The following ALKAL1 variants were observed in gnomAD, a reference collection of about 807,000 sequenced individuals.
ALKAL1 encodes the protein ALK and LTK ligand 1, also known as AUG-beta.
Under a neutral mutation model 13.5 loss-of-function variants are expected in ALKAL1, and 23 were observed. The observed-to-expected ratio is 1.70, with a 90% CI of 1.23 to 2.41. The LOEUF (loss-of-function observed/expected upper bound fraction) is 2.41. Ranked by LOEUF, ALKAL1 falls within the 30% of genes most tolerant of loss-of-function variation. The probability of loss-of-function intolerance (pLI) is 0.00; values close to 1 mark genes in which losing one functional copy is unlikely to be tolerated. For missense variants in ALKAL1, 181 were observed against 178.4 expected, an observed-to-expected ratio of 1.01 and a Z score of -0.08; for synonymous variants, 85 against 77.7, an observed-to-expected ratio of 1.09 and a Z score of -0.49.
chr8:52,545,278 G>A (rs1213734997), intron 1 of ALKAL1, among the ~76,000 whole-genome samples: 1 of 152,072 alleles, frequency 6.6e-6, no homozygotes, highest in Admixed American at 6.5e-5. Flanking sequence ...TTGCCCACAA[G>A]AAAATTCTTT....
intron 1 of ALKAL1, among the ~76,000 whole-genome samples, chr8:52,548,775 T>C (rs1055677298): frequency 2.0e-5 from 3 of 152,162 alleles, no homozygotes; most frequent in African/African-American, 7.2e-5. Context: ...ATCTCATTCA[T>C]CCAATTTGTA....
intron 4 of ALKAL1, among the ~76,000 whole-genome samples, chr8:52,537,466 C>T (rs959395759): frequency 6.6e-6 from 1 of 152,116 alleles, no homozygotes; most frequent in Admixed American, 6.5e-5. Flanking sequence ...CAAAATCCCA[C>T]TACTGGGTAT....
intron 1 of ALKAL1, among the ~76,000 whole-genome samples, chr8:52,551,356 A>G (rs1031069814): frequency 2.6e-5 from 4 of 152,176 alleles, no homozygotes; most frequent in African/African-American, 9.7e-5. Context: ...GTGCAGTGGT[A>G]CAATCATAGC....
intron 1 of ALKAL1, 101 bp from the exon 2 acceptor site, chr8:52,542,546 G>T (rs1441964953): frequency 6.9e-6 from 5 of 723,614 alleles, no homozygotes; most frequent in Non-Finnish European, 1.1e-5. Context: ...TAAACACATG[G>T]ATTTGTGACA....
rs541601110 is a variant in ALKAL1, at chr8:52,559,727, T to G, written c.190+5340A>C. 2.0e-5 allele frequency among the ~76,000 whole-genome samples: 3 copies of G among 152,308 alleles called. 1 individual carries two copies. The South Asian group carries it at 6.2e-4, about 32-fold the overall frequency. ...GTATTAAGGACAGTAAATACTGTAT[T>G]GTCTAAATATAACCAAATGCCAAAA... On this transcript the variant is annotated intron_variant, in intron 1 of 4. Coordinates refer to ENST00000358543, the MANE Select transcript of ALKAL1 (RefSeq NM_207413.4).
At chr8:52,550,386 G>A (rs897536426) in intron 1 of ALKAL1, among the ~76,000 whole-genome samples, 6 of 152,096 alleles carry the variant, frequency 3.9e-5, no homozygotes, top group African/African-American at 1.2e-4. Flanking sequence ...ACAGTATGTT[G>A]GATAGACTCC....
At chr8:52,535,550 C>CA (rs10719477) in intron 4 of ALKAL1, among the ~76,000 whole-genome samples, 9,334 of 68,194 alleles carry the variant, frequency 0.14, 587 homozygotes, top group Middle Eastern at 0.19. Context: ...GACCCTGTCT[C>CA]AAAAAAAAAA....
intron 1 of ALKAL1, 138 bp downstream of exon 1, chr8:52,564,929 T>C: frequency 8.0e-6 from 5 of 625,434 alleles, no homozygotes; most frequent in Non-Finnish European, 1.2e-5. Context: ...TTCCGAGAGC[T>C]GGGAATCTGC....
At chr8:52,535,752 A>G (rs1009738427) in intron 4 of ALKAL1, among the ~76,000 whole-genome samples, 8 of 152,196 alleles carry the variant, frequency 5.3e-5, no homozygotes, top group Non-Finnish European at 8.8e-5. Context: ...TTAATGTGTA[A>G]TAATCACTTT....
chr8:52,541,493 C>A (rs965563528), intron 2 of ALKAL1, among the ~76,000 whole-genome samples: 1 of 152,026 alleles, frequency 6.6e-6, no homozygotes, highest in Non-Finnish European at 1.5e-5. Context: ...TTTGGCCGGG[C>A]GTGGTGGCTC....
chr8:52,535,429 T>C (rs892661280), intron 4 of ALKAL1, among the ~76,000 whole-genome samples: 2 of 141,280 alleles, frequency 1.4e-5, no homozygotes, highest in African/African-American at 2.7e-5. Flanking sequence ...CATGAGCCCA[T>C]AGTCTCAGCT....
intron 1 of ALKAL1, among the ~76,000 whole-genome samples, chr8:52,556,419 G>A (rs1229734705): frequency 3.3e-5 from 5 of 151,772 alleles, no homozygotes; most frequent in Non-Finnish European, 5.9e-5. Flanking sequence ...AGGCCGAGAC[G>A]GGCGGATCAC....
At chr8:52,558,642 C>A (rs2150347856) in intron 1 of ALKAL1, among the ~76,000 whole-genome samples, 1 of 152,110 alleles carries the variant, frequency 6.6e-6, no homozygotes, top group African/African-American at 2.4e-5. Context: ...TAAAGTCGGG[C>A]TCGTTTATAG....
chr8:52,556,572 G>A (rs577728884), intron 1 of ALKAL1, among the ~76,000 whole-genome samples: 7 of 150,190 alleles, frequency 4.7e-5, no homozygotes, highest in African/African-American at 9.8e-5. Context: ...GCGTGAACCC[G>A]GGAGGCGGAG....
chr8:52,539,705 TC>T (rs1847294367), intron 3 of ALKAL1, 125 bp downstream of exon 3: 4 of 689,212 alleles, frequency 5.8e-6, no homozygotes, highest in Middle Eastern at 2.6e-4. Flanking sequence ...GTGTTCTAAA[TC>T]AGTGTTATAA....
chr8:52,549,243 T>C (rs1847403942), intron 1 of ALKAL1, among the ~76,000 whole-genome samples: 1 of 152,010 alleles, frequency 6.6e-6, no homozygotes, highest in Non-Finnish European at 1.5e-5. Flanking sequence ...ATCTCATTAC[T>C]AATCAATACT....
At chr8:52,555,455 A>C (rs1002504983) in intron 1 of ALKAL1, among the ~76,000 whole-genome samples, 1 of 152,134 alleles carries the variant, frequency 6.6e-6, no homozygotes, top group Non-Finnish European at 1.5e-5. Context: ...CAGGTTTAGG[A>C]AGGAAACGGT....
Position 52,565,066 on chromosome 8 carries a change from C to A in ALKAL1, c.190+1G>T. The A allele has an allele frequency of 1.4e-6, 2 of 1,396,060 alleles. No homozygotes were observed. The highest frequency in any genetic ancestry group is 1.6e-5 in the South Asian group (1 of 62,362). 86.5% of individuals were successfully genotyped at this position (1,396,060 alleles called of 1,614,324 possible). A position where few individuals can be genotyped will look rare whatever the true frequency, so the allele number is the denominator to read the frequency against. On this transcript the variant is annotated splice_donor_variant, in intron 1 of 4. Transcript: ENST00000358543. LOFTEE classifies it high-confidence loss of function. ...GATGGGGCGGGATGGGGACATCGTACCTGCGCTCCGGGAGCCGCTGGGAGT... is the reference window on the plus strand; with the variant it reads ...GATGGGGCGGGATGGGGACATCGTAACTGCGCTCCGGGAGCCGCTGGGAGT...
At chr8:52,552,349 C>T (rs1847438331) in intron 1 of ALKAL1, among the ~76,000 whole-genome samples, 1 of 152,094 alleles carries the variant, frequency 6.6e-6, no homozygotes, top group Non-Finnish European at 1.5e-5. Flanking sequence ...TGACCTTGAC[C>T]TCCTGGCTGA....
Sources: allele counts gnomAD v4.1 joint callset (sites outside exome capture counted in the v4.1 genomes callset), GRCh38; gene constraint gnomAD v4.1.1; transcripts MANE v1.5; gene names NCBI Gene and HGNC (gene_info 2026-07-23, HGNC 2026-07-21).